The following FAM114A1 variants were observed in gnomAD, a reference collection of about 807,000 sequenced individuals.
The protein encoded by FAM114A1 is protein NOXP20.
In FAM114A1, 62 loss-of-function variants were observed where a neutral mutation model predicts 64.3. The ratio of observed to expected loss-of-function variants is 0.96; its 90% CI spans 0.79 to 1.19. The LOEUF is 1.19. Ranked by LOEUF, FAM114A1 falls within the 50% of genes most tolerant of loss-of-function variation. The pLI, the probability that FAM114A1 is intolerant of heterozygous loss-of-function variation, is 0.00. For synonymous variants in FAM114A1, 254 were observed against 251.1 expected (o/e 1.01, Z -0.11); for missense variants, 645 against 676.3 (o/e 0.95, Z 0.51).
chr4:38,892,141 A>G (rs1472557169), intron 4 of FAM114A1, among the ~76,000 whole-genome samples: 1 of 152,226 alleles, frequency 6.6e-6, no homozygotes, highest in Non-Finnish European at 1.5e-5. Context: ...TTTAGCCACT[A>G]TATTATATGG....
At chr4:38,924,353 G>A (rs972622101) in intron 9 of FAM114A1, among the ~76,000 whole-genome samples, 67 of 152,150 alleles carry the variant, frequency 4.4e-4, no homozygotes, top group African/African-American at 1.5e-3. Context: ...TATTATGCTC[G>A]TTGTTATTAC....
At chr4:38,935,403 A>T (rs1453674701) in intron 12 of FAM114A1, among the ~76,000 whole-genome samples, 7 of 152,102 alleles carry the variant, frequency 4.6e-5, no homozygotes, top group African/African-American at 1.4e-4. Context: ...GCCAGAGTGT[A>T]TAAGCTCTAC....
chr4:38,938,337 C>A (rs992378064), intron 13 of FAM114A1: 3 of 152,200 alleles, frequency 2.0e-5, no homozygotes, highest in Non-Finnish European at 4.4e-5. Context: ...GACACCTGTC[C>A]CCCACACTTC....
rs528307680 is a variant in FAM114A1, at chr4:38,895,298, G to T, written c.436+3468G>T. Among the ~76,000 whole-genome samples the T allele has an allele frequency of 4.6e-5, 7 of 152,294 alleles. No homozygotes were observed. The South Asian group carries it at 1.0e-3, about 23-fold the overall frequency. On this transcript the variant is annotated intron_variant, in intron 4 of 14. Coordinates refer to ENST00000358869, the MANE Select transcript of FAM114A1 (RefSeq NM_138389.4). ...GTTTTCCTGCTGATTATTGACCAGGGCTCACTTTCAGCTCTTAGAGGCTGC... is the reference window on the plus strand; with the variant it reads ...GTTTTCCTGCTGATTATTGACCAGGTCTCACTTTCAGCTCTTAGAGGCTGC...
intron 9 of FAM114A1, among the ~76,000 whole-genome samples, chr4:38,928,459 TATG>T (rs1169077918): frequency 6.6e-6 from 1 of 152,252 alleles, no homozygotes; most frequent in Non-Finnish European, 1.5e-5. Flanking sequence ...TTTTTTATTT[TATG>T]ATATTTGATA....
chr4:38,941,200 CA>C (rs1383678227), intron 14 of FAM114A1, among the ~76,000 whole-genome samples, 179 bp downstream of exon 14: 2 of 151,486 alleles, frequency 1.3e-5, no homozygotes, highest in Non-Finnish European at 2.9e-5. Flanking sequence ...GATGAAGCAA[CA>C]ATACCTAATT....
At position 38,943,632 on chromosome 4, in the gene FAM114A1, C is replaced by A; in HGVS notation, c.*75C>A. On this transcript the variant is annotated 3_prime_UTR_variant, in exon 15 of 15. Transcript: ENST00000358869. ...AATATGTACCATTTAAGGGGATGTT[C>A]TCTGTGCGCCTGGCCACAGACATCC... 2 of 1,269,672 alleles carry A rather than the reference C, an allele frequency of 1.6e-6. No homozygotes were observed. Among genetic ancestry groups the A allele is most frequent in the Non-Finnish European group, 2.3e-6 (2 of 875,010 alleles). 78.7% of individuals were successfully genotyped at this position (1,269,672 alleles called of 1,614,324 possible).
intron 11 of FAM114A1, 117 bp from the exon 12 acceptor site, chr4:38,932,118 T>C: frequency 8.6e-7 from 1 of 1,157,264 alleles, no homozygotes; most frequent in Non-Finnish European, 1.2e-6. Flanking sequence ...AGGTTAACTA[T>C]TTCGGGTTAT....
chr4:38,905,711 G>T (rs1717932411), intron 5 of FAM114A1, 44 bp from the exon 6 acceptor site: 1 of 1,609,206 alleles, frequency 6.2e-7, no homozygotes, highest in Non-Finnish European at 8.5e-7. Flanking sequence ...TCCAAGTTCA[G>T]ATCAGCGACG....
intron 9 of FAM114A1, chr4:38,929,010 C>T: frequency 2.0e-6 from 1 of 498,092 alleles, no homozygotes; most frequent in South Asian, 2.0e-5. Context: ...GGGGGTGTCC[C>T]TGCTGGAGCT....
At chr4:38,931,832 G>A (rs1339342004) in intron 11 of FAM114A1, among the ~76,000 whole-genome samples, 1 of 152,152 alleles carries the variant, frequency 6.6e-6, no homozygotes, top group African/African-American at 2.4e-5. Flanking sequence ...GCGTGTGCCT[G>A]TACTCTCAGC....
At chr4:38,875,507 TG>T (rs1171847000) in intron 2 of FAM114A1, among the ~76,000 whole-genome samples, 3 of 152,262 alleles carry the variant, frequency 2.0e-5, no homozygotes, top group African/African-American at 7.2e-5. Context: ...TACTGATTTT[TG>T]TACATTGATT....
intron 8 of FAM114A1, among the ~76,000 whole-genome samples, chr4:38,916,159 A>G (rs966130358): frequency 6.6e-6 from 1 of 152,226 alleles, no homozygotes; most frequent in African/African-American, 2.4e-5. Flanking sequence ...ACAGGCAACC[A>G]AGAACCAAAT....
chr4:38,908,833 G>T (rs1189116699), intron 7 of FAM114A1, 107 bp downstream of exon 7: 7 of 1,144,030 alleles, frequency 6.1e-6, no homozygotes. Flanking sequence ...CAAATCAAAT[G>T]ACACCAAAGA....
intron 4 of FAM114A1, among the ~76,000 whole-genome samples, chr4:38,899,790 G>A (rs1579333882): frequency 6.6e-6 from 1 of 152,240 alleles, no homozygotes; most frequent in East Asian, 1.9e-4. Flanking sequence ...ATGTAACTAT[G>A]TAGGAGTTGA....
At chr4:38,933,120 G>A (rs1401417157) in intron 12 of FAM114A1, among the ~76,000 whole-genome samples, 2 of 152,094 alleles carry the variant, frequency 1.3e-5, no homozygotes, top group Non-Finnish European at 2.9e-5. Context: ...CCAAAGTGCT[G>A]GGATTACAGT....
intron 3 of FAM114A1, among the ~76,000 whole-genome samples, chr4:38,889,365 T>C (rs1352837623): frequency 6.6e-6 from 1 of 152,190 alleles, no homozygotes; most frequent in African/African-American, 2.4e-5. Flanking sequence ...CCATTCATGT[T>C]AACAAGCTTC....
chr4:38,918,912 G>T (rs1719324611), intron 8 of FAM114A1, among the ~76,000 whole-genome samples: 1 of 152,204 alleles, frequency 6.6e-6, no homozygotes, highest in African/African-American at 2.4e-5. Flanking sequence ...AGCACTTCAG[G>T]AGGCCGAGGC....
chr4:38,877,516 C>T (rs994884556), intron 2 of FAM114A1, among the ~76,000 whole-genome samples: 17 of 152,132 alleles, frequency 1.1e-4, no homozygotes, highest in Non-Finnish European at 1.5e-4. Flanking sequence ...GTAATGCGAG[C>T]GATGGGGAGC....
Sources: allele counts gnomAD v4.1 joint callset (sites outside exome capture counted in the v4.1 genomes callset), GRCh38; gene constraint gnomAD v4.1.1; transcripts MANE v1.5; gene names NCBI Gene and HGNC (gene_info 2026-07-23, HGNC 2026-07-21).